SH2D5: variants seen among roughly 807,000 people sequenced by gnomAD.
SH2D5 encodes the protein SH2 domain-containing protein 5.
SH2D5 carries 45 observed loss-of-function variants against 48.2 expected under a neutral mutation model. That is an observed-to-expected ratio of 0.93 (90% CI 0.73 to 1.20). The LOEUF (loss-of-function observed/expected upper bound fraction) is 1.20, where lower values mean the gene tolerates loss of function less well. Among genes scored for constraint, SH2D5 ranks in the 50% most tolerant of loss-of-function variants. The probability of loss-of-function intolerance (pLI) is 0.00; values close to 1 mark genes in which losing one functional copy is unlikely to be tolerated. For synonymous variants in SH2D5, 230 were observed against 249.8 expected (o/e 0.92, Z 0.75); for missense variants, 538 against 584.1 (o/e 0.92, Z 0.81).
Position 20,727,428 on chromosome 1 carries a change from T to C in SH2D5, c.168+95A>G, listed in dbSNP as rs1476963492. 4.1e-6 allele frequency: 5 copies of C among 1,217,128 alleles called. No homozygotes were observed. In the South Asian group the frequency reaches 5.3e-5, roughly 13 times the overall value. The allele number at this position is 1,217,128 out of a possible 1,614,324, so 75.4% of individuals were successfully genotyped here. On this transcript the variant is annotated intron_variant, in intron 3 of 9. Coordinates refer to ENST00000444387, the MANE Select transcript of SH2D5 (RefSeq NM_001103161.2). ...ACAAACAGGGCCTGTGTCCTGCCCC[T>C]CTCTAACTGTGGGGAGAGTGGATCT...
intron 3 of SH2D5, 60 bp from the exon 4 acceptor site, chr1:20,727,135 C>T: frequency 1.4e-6 from 2 of 1,441,820 alleles, no homozygotes; most frequent in African/African-American, 1.4e-5. Context: ...TTGGCCTGCC[C>T]AGCCTCAGGA....
chr1:20,725,785 A>G, intron 5 of SH2D5, 135 bp downstream of exon 5: 2 of 1,070,098 alleles, frequency 1.9e-6, no homozygotes, highest in Non-Finnish European at 2.7e-6. Flanking sequence ...CCACAGAAAG[A>G]GCCAATGTGG....
At chr1:20,727,751 C>T in intron 2 of SH2D5, 148 bp from the exon 3 acceptor site, 1 of 930,802 alleles carries the variant, frequency 1.1e-6, no homozygotes, top group South Asian at 1.6e-5. Flanking sequence ...CCAGGCTCTG[C>T]TGCTTCCCCA....
intron 5 of SH2D5, among the ~76,000 whole-genome samples, chr1:20,725,434 C>CCAAG (rs943449251): frequency 6.6e-6 from 1 of 152,204 alleles, no homozygotes; most frequent in African/African-American, 2.4e-5. Flanking sequence ...CCGCTCTGGG[C>CCAAG]CAAGCACTCT....
At position 20,721,938 on chromosome 1, in the gene SH2D5, C is replaced by T; in HGVS notation, c.1126G>A (p.Glu376Lys). ...TCGAGGGGACAGAAGAGGCTACGTT[C>T]AGTAACCGCGTGGTTCTCCACCAGA... is the stretch of plus-strand genomic sequence containing the variant. The part of the protein sequence containing the change: ...EALVENHAVT[E>K]RSLFCPLDMG... Residue 376 changes from glutamate (E) to lysine (K), a missense_variant, in exon 10 of 10, where the codon GAA (glutamate) becomes AAA (lysine). Coordinates refer to ENST00000444387, the MANE Select transcript of SH2D5 (RefSeq NM_001103161.2). 2 of 1,613,196 alleles carry T rather than the reference C, an allele frequency of 1.2e-6. No homozygotes were observed. Among genetic ancestry groups the T allele is most frequent in the Non-Finnish European group, 1.7e-6 (2 of 1,179,988 alleles).
At chr1:20,730,462 C>T (rs1286749260) in intron 1 of SH2D5, among the ~76,000 whole-genome samples, 1 of 152,208 alleles carries the variant, frequency 6.6e-6, no homozygotes, top group African/African-American at 2.4e-5. Context: ...CCCCAGTGTC[C>T]CAGCGGTGGG....
chr1:20,730,362 T>A (rs1450168557), intron 1 of SH2D5, among the ~76,000 whole-genome samples: 1 of 150,240 alleles, frequency 6.7e-6, no homozygotes, highest in Non-Finnish European at 1.5e-5. Flanking sequence ...GGAGGAGCCG[T>A]GCGGGCATCT....
chr1:20,728,619 C>T lies in SH2D5; in HGVS notation c.-42-533G>A, dbSNP rs566317520. Among the ~76,000 whole-genome samples the T allele has an allele frequency of 2.9e-4, 44 of 152,284 alleles. No homozygotes were observed. The highest frequency in any genetic ancestry group is 1.0e-3 in the African/African-American group (42 of 41,554). ...CCATCAAAGAGAAGGGCAGTGACAG[C>T]GGCAGAAACAGAGACTGCAAAGACA... On this transcript the variant is annotated intron_variant, in intron 1 of 9. Coordinates refer to ENST00000444387, the MANE Select transcript of SH2D5 (RefSeq NM_001103161.2). This position sits in a 1 kb window ranked among gnomAD's most constrained non-coding sequence, Gnocchi z 4.3.
In SH2D5 at chr1:20,732,149, A is replaced by G. The variant is rs2054922575; in HGVS notation, c.-43+32T>C. The G allele has an allele frequency of 6.6e-6, 1 of 151,508 alleles. No individual in the cohort carries two copies. Among genetic ancestry groups the G allele is most frequent in the Admixed American group, 6.6e-5 (1 of 15,222 alleles). The allele number at this position is 151,508 out of a possible 1,614,324, so 9.4% of individuals were successfully genotyped here. A position where few individuals can be genotyped will look rare whatever the true frequency, so the allele number is the denominator to read the frequency against. ...CGTGGCCGCGGGAACCGACCCCCGG[A>G]TCACCTGGCGGCGGCGACCCGCCTC... On this transcript the variant is annotated intron_variant, in intron 1 of 9. Coordinates refer to ENST00000444387, the MANE Select transcript of SH2D5 (RefSeq NM_001103161.2). This position sits in a 1 kb window ranked among gnomAD's most constrained non-coding sequence, Gnocchi z 5.1.
rs1022284743 is a variant in SH2D5, at chr1:20,723,701, G to A, written c.833C>T (p.Pro278Leu). Residue 278 changes from proline to leucine, a missense_variant, in exon 8 of 10, where the codon CCT (proline) becomes CTT (leucine). Physicochemically the swap from Pro to Leu is moderately conservative, Grantham distance 98. Coordinates refer to ENST00000444387, the MANE Select transcript of SH2D5 (RefSeq NM_001103161.2). ...CTCCACCAGGCACGAGTGGCCACCA[G>A]GACCCCGGGGCCATGCCTCCCATGC... Reference protein sequence around the residue: ...PAAWEAWPRGPGGHSCLVESE... With the variant: ...PAAWEAWPRGLGGHSCLVESE... 6.2e-7 allele frequency: 1 copy of A among 1,613,032 alleles called. No homozygotes were observed. The highest frequency in any genetic ancestry group is 8.5e-7 in the Non-Finnish European group (1 of 1,179,980).
Position 20,721,037 on chromosome 1 carries a change from C to G in SH2D5, c.*755G>C, listed in dbSNP as rs759594060. 1 of 152,494 alleles carries G rather than the reference C, an allele frequency of 6.6e-6. No homozygotes were observed. The highest frequency in any genetic ancestry group is 1.5e-5 in the Non-Finnish European group (1 of 68,130). The allele number at this position is 152,494 out of a possible 1,614,324, so 9.4% of individuals were successfully genotyped here. ...TTCCTAGGGGGAAGGGGTGAGCCTG[C>G]GCATCCCTTCTGAGAAAGCGGGAGT... On this transcript the variant is annotated 3_prime_UTR_variant, in exon 10 of 10. Coordinates refer to ENST00000444387, the MANE Select transcript of SH2D5 (RefSeq NM_001103161.2).
At position 20,726,006 on chromosome 1, in the gene SH2D5, A is replaced by AGTC. The variant is rs1311852401; in HGVS notation, c.301_303dup (p.Asp101dup). On this transcript the variant is annotated inframe_insertion, in exon 5 of 10. Transcript: ENST00000444387. ...TTTCGAGCCATGAAGGCAAACTGGC[A>AGTC]GTCGGCAGGGCACCAGGTGGAGTAG... The AGTC allele has an allele frequency of 6.2e-7, 1 of 1,613,018 alleles. No individual in the cohort carries two copies. Among genetic ancestry groups the AGTC allele is most frequent in the Admixed American group, 1.7e-5 (1 of 59,928 alleles).
Position 20,723,644 on chromosome 1 carries a change from G to T in SH2D5, c.890C>A (p.Ala297Asp), listed in dbSNP as rs778710399. 6.2e-7 allele frequency: 1 copy of T among 1,612,880 alleles called. No individual in the cohort carries two copies. The highest frequency in any genetic ancestry group is 2.2e-5 in the East Asian group (1 of 44,858). Residue 297 changes from alanine to aspartate, a missense_variant, in exon 8 of 10, where the codon GCC becomes GAC. Physicochemically the swap from Ala to Asp is moderately radical, Grantham distance 126. Transcript: ENST00000444387. ...TTCCTACCTGGAGATGCCAGCGAAG[G>T]CCCAGATGTTCTCCGTCAGGCTGCC... ...SEGSLTENIW[A>D]FAGISRPCAL...
At chr1:20,730,457 G>C (rs532651383) in intron 1 of SH2D5, among the ~76,000 whole-genome samples, 1 of 152,218 alleles carries the variant, frequency 6.6e-6, no homozygotes, top group South Asian at 2.1e-4. Flanking sequence ...AGCGTCCCCA[G>C]TGTCCCAGCG....
intron 3 of SH2D5, 176 bp downstream of exon 3, chr1:20,727,347 C>G: frequency 1.5e-6 from 1 of 667,410 alleles, no homozygotes; most frequent in Non-Finnish European, 2.6e-6. Context: ...CACAGTAGCC[C>G]AGGGCATAAG....
At position 20,732,594 on chromosome 1, in the gene SH2D5, G is replaced by A. The variant is rs907539651; in HGVS notation, c.-456C>T. On this transcript the variant is annotated 5_prime_UTR_variant, in exon 1 of 10. Transcript: ENST00000444387. The surrounding 1 kb of genome is among the most constrained non-coding windows in gnomAD (Gnocchi z 5.1). Reference sequence around the variant, plus strand: ...GTTCCCAGTGTGAAGGATCGAGCCTGGCTCGGAGGAGGCGCTCAGGGTGGT... The same window carrying A: ...GTTCCCAGTGTGAAGGATCGAGCCTAGCTCGGAGGAGGCGCTCAGGGTGGT... 6.6e-6 allele frequency: 1 copy of A among 152,290 alleles called. No homozygotes were observed. The highest frequency in any genetic ancestry group is 2.4e-5 in the African/African-American group (1 of 41,466). The allele number at this position is 152,290 out of a possible 1,614,324, so 9.4% of individuals were successfully genotyped here.
rs541032973 is a variant in SH2D5, at chr1:20,728,825, G to A, written c.-42-739C>T. ...AGCTCTGTAGTTCATGAAGGTGGCT[G>A]CAAGCTGGATGGCCAGAGCTGATGA... On this transcript the variant is annotated intron_variant, in intron 1 of 9. Coordinates refer to ENST00000444387, the MANE Select transcript of SH2D5 (RefSeq NM_001103161.2). The surrounding 1 kb of genome is among the most constrained non-coding windows in gnomAD (Gnocchi z 4.3). Among the ~76,000 whole-genome samples the A allele has an allele frequency of 1.1e-4, 17 of 152,318 alleles. No homozygotes were observed. In the South Asian group the frequency reaches 2.7e-3, roughly 24 times the overall value.
chr1:20,724,956 G>A (rs1214190915), intron 5 of SH2D5, among the ~76,000 whole-genome samples: 1 of 152,182 alleles, frequency 6.6e-6, no homozygotes, highest in Non-Finnish European at 1.5e-5. Flanking sequence ...CCACATCAGC[G>A]CCCTCTTCCA....
chr1:20,727,274 G>A (rs1002613882), intron 3 of SH2D5, among the ~76,000 whole-genome samples, 199 bp from the exon 4 acceptor site: 8 of 152,110 alleles, frequency 5.3e-5, no homozygotes, highest in African/African-American at 9.7e-5. Flanking sequence ...TAGGGCCACC[G>A]CTGGCCAGGC....
Sources: allele counts gnomAD v4.1 joint callset (sites outside exome capture counted in the v4.1 genomes callset), GRCh38; gene constraint gnomAD v4.1.1; non-coding constraint Gnocchi (gnomAD v3.1); transcripts MANE v1.5; gene names NCBI Gene and HGNC (gene_info 2026-07-23, HGNC 2026-07-21).